Variants in ECHDC1 observed in about 807,000 individuals in gnomAD.
ECHDC1 encodes the protein ethylmalonyl-CoA decarboxylase.
A neutral mutation model predicts 29.7 loss-of-function variants in ECHDC1; 29 were observed. That is an observed-to-expected ratio of 0.98 (90% CI 0.73 to 1.33). The LOEUF is 1.33. Among genes scored for constraint, ECHDC1 ranks in the 40% most tolerant of loss-of-function variants. ECHDC1 has a pLI of 0.00. For synonymous variants in ECHDC1, 126 were observed against 123.1 expected (o/e 1.02, Z -0.15); for missense variants, 328 against 350.0 (o/e 0.94, Z 0.50).
At chr6:127,297,174 A>G (rs1780678597) in intron 5 of ECHDC1, among the ~76,000 whole-genome samples, 1 of 152,228 alleles carries the variant, frequency 6.6e-6, no homozygotes, top group Non-Finnish European at 1.5e-5. Context: ...TCTCTTATGG[A>G]AGAAAATTAG....
chr6:127,321,682 T>C lies in ECHDC1; in HGVS notation c.364-5180A>G, dbSNP rs115751126. Among the ~76,000 whole-genome samples, 1,303 of 152,270 alleles carry C rather than the reference T, an allele frequency of 8.6e-3. 21 individuals are homozygous for C. The highest frequency in any genetic ancestry group is 0.03 in the African/African-American group (1,248 of 41,566). On this transcript the variant is annotated intron_variant, in intron 3 of 5. Coordinates refer to ENST00000454859, the MANE Select transcript of ECHDC1 (RefSeq NM_001002030.2). ...TCATTAAAGGATAATAAAGAATTCA[T>C]CTACCCTATAAAATGCTTTTTCAAA...
intron 5 of ECHDC1, among the ~76,000 whole-genome samples, chr6:127,311,731 A>AAAAAAAAAAAAAAAAC (rs1781950230): frequency 7.8e-6 from 1 of 128,300 alleles, no homozygotes; most frequent in Non-Finnish European, 1.7e-5. Flanking sequence ...AAGAAAGAAA[A>AAAAAAAAAAAAAAAAC]CTGGGATGGC....
intron 3 of ECHDC1, among the ~76,000 whole-genome samples, chr6:127,324,868 G>T (rs2114657513): frequency 6.6e-6 from 1 of 152,280 alleles, no homozygotes. Context: ...AAATAAGTAT[G>T]TGAGTAAATG....
intron 3 of ECHDC1, among the ~76,000 whole-genome samples, chr6:127,319,646 A>T (rs1314975755): frequency 6.6e-6 from 1 of 152,200 alleles, no homozygotes; most frequent in African/African-American, 2.4e-5. Context: ...TCTGTGATAG[A>T]GTAAGCTGTG....
At chr6:127,298,746 T>C (rs189379434) in intron 5 of ECHDC1, among the ~76,000 whole-genome samples, 66 of 152,318 alleles carry the variant, frequency 4.3e-4, no homozygotes, top group Non-Finnish European at 1.6e-4. Flanking sequence ...CACATTTTTG[T>C]GGTGATGCTG....
At chr6:127,332,709 C>A (rs766666065) in intron 1 of ECHDC1, among the ~76,000 whole-genome samples, 1 of 152,210 alleles carries the variant, frequency 6.6e-6, no homozygotes, top group African/African-American at 2.4e-5. Flanking sequence ...AGTGAATCTG[C>A]ATTTTTACAT....
At chr6:127,305,827 G>T (rs1781394729) in intron 5 of ECHDC1, among the ~76,000 whole-genome samples, 1 of 151,816 alleles carries the variant, frequency 6.6e-6, no homozygotes, top group Non-Finnish European at 1.5e-5. Flanking sequence ...ACAATTAAAA[G>T]CAAGAAGCTA....
At chr6:127,325,350 T>C (rs1261406776) in intron 3 of ECHDC1, among the ~76,000 whole-genome samples, 2 of 152,130 alleles carry the variant, frequency 1.3e-5, no homozygotes, top group Non-Finnish European at 2.9e-5. Flanking sequence ...GTGTCCCGGA[T>C]TTGATCTTGA....
chr6:127,289,927 A>C lies in ECHDC1; in HGVS notation c.848T>G (p.Val283Gly). 6.2e-7 allele frequency: 1 copy of C among 1,613,464 alleles called. No homozygotes were observed. Among genetic ancestry groups the C allele is most frequent in the Middle Eastern group, 1.7e-4 (1 of 6,054 alleles). ...CTCTAAATTTGCAGGCCCACCCCAA[A>C]CTGTTCCTAAAAGATCTCTTTCGTT... ...LQNERDLLGT[V>G]WGGPANLEAI... The change falls in exon 6 of 6, where the codon GTT becomes GGT. Residue 283 changes from valine to glycine, a missense_variant. Physicochemically the swap from Val to Gly is moderately radical, Grantham distance 109 (BLOSUM62 -3). Coordinates refer to ENST00000454859, the MANE Select transcript of ECHDC1 (RefSeq NM_001002030.2).
chr6:127,329,343 T>C (rs542818366), intron 2 of ECHDC1, among the ~76,000 whole-genome samples: 1 of 146,222 alleles, frequency 6.8e-6, no homozygotes, highest in Non-Finnish European at 1.5e-5. Context: ...AATCAAAGCA[T>C]TAGTTTTATA....
At chr6:127,290,324 T>G in intron 5 of ECHDC1, 47 bp from the exon 6 acceptor site, 1 of 1,557,142 alleles carries the variant, frequency 6.4e-7, no homozygotes, top group East Asian at 2.3e-5. Context: ...CTCTGTATGC[T>G]CTAATCATAA....
intron 5 of ECHDC1, 45 bp downstream of exon 5, chr6:127,314,771 A>G: frequency 6.8e-7 from 1 of 1,463,720 alleles, no homozygotes; most frequent in South Asian, 1.2e-5. Flanking sequence ...AATTTGAGCA[A>G]GTTAATTATA....
chr6:127,291,576 C>T (rs530960902), intron 5 of ECHDC1, among the ~76,000 whole-genome samples: 9 of 152,218 alleles, frequency 5.9e-5, no homozygotes, highest in South Asian at 2.1e-4. Flanking sequence ...TAAAGCTACA[C>T]GATTTAGCTT....
At chr6:127,326,878 A>C in intron 3 of ECHDC1, 124 bp downstream of exon 3, 1 of 1,198,828 alleles carries the variant, frequency 8.3e-7, no homozygotes, top group Non-Finnish European at 1.1e-6. Flanking sequence ...AAACAAACCA[A>C]AAAATCCCCA....
At chr6:127,308,988 G>A (rs147983151) in intron 5 of ECHDC1, among the ~76,000 whole-genome samples, 87 of 152,208 alleles carry the variant, frequency 5.7e-4, no homozygotes, top group Non-Finnish European at 9.0e-4. Context: ...TCCCATGTTC[G>A]TGGATTGGAA....
chr6:127,327,176 A>G, intron 2 of ECHDC1, 32 bp from the exon 3 acceptor site: 1 of 1,603,898 alleles, frequency 6.2e-7, no homozygotes, highest in Non-Finnish European at 8.5e-7. Flanking sequence ...AATCACAAAT[A>G]TATGAAGGTG....
At chr6:127,328,864 A>C (rs1783625506) in intron 2 of ECHDC1, among the ~76,000 whole-genome samples, 1 of 151,914 alleles carries the variant, frequency 6.6e-6, no homozygotes, top group Non-Finnish European at 1.5e-5. Flanking sequence ...TTCTCTACTA[A>C]AAATATAAAA....
At chr6:127,306,673 G>A (rs1473590101) in intron 5 of ECHDC1, among the ~76,000 whole-genome samples, 3 of 152,118 alleles carry the variant, frequency 2.0e-5, no homozygotes, top group African/African-American at 7.2e-5. Context: ...GTGGGACTAT[G>A]AGCCAATTAA....
chr6:127,327,504 G>C (rs1482946117), intron 2 of ECHDC1, among the ~76,000 whole-genome samples: 1 of 152,056 alleles, frequency 6.6e-6, no homozygotes, highest in African/African-American at 2.4e-5. Flanking sequence ...ACATAGACCT[G>C]ACTTCTCAGC....
Sources: gnomAD v4.1 joint callset for allele counts (sites outside exome capture counted in the v4.1 genomes callset) on GRCh38, gnomAD v4.1.1 for gene constraint, MANE v1.5 for transcripts, NCBI Gene and HGNC (gene_info 2026-07-23, HGNC 2026-07-21) for gene names.